FGF12: variants seen among roughly 807,000 people sequenced by gnomAD.
FGF12 encodes the protein fibroblast growth factor 12, also known as fibroblast growth factor 12B.
Under a neutral mutation model 23.6 loss-of-function variants are expected in FGF12, and 14 were observed. That is an observed-to-expected ratio of 0.59 (90% CI 0.39 to 0.93). The LOEUF (loss-of-function observed/expected upper bound fraction) is 0.93, where lower values mean the gene tolerates loss of function less well. FGF12 is among the 40% of genes least tolerant of loss of function. The probability of loss-of-function intolerance (pLI) is 0.00; values close to 1 mark genes in which losing one functional copy is unlikely to be tolerated. For synonymous variants in FGF12, 62 were observed against 77.3 expected (o/e 0.80, Z 1.04); for missense variants, 175 against 217.8 (o/e 0.80, Z 1.24).
intron 4 of FGF12, among the ~76,000 whole-genome samples, chr3:192,325,769 C>G (rs1241897487): frequency 6.6e-6 from 1 of 152,138 alleles, no homozygotes; most frequent in Admixed American, 6.5e-5. Context: ...CTAATCTTTA[C>G]CTCTCCCTTA....
intron 2 of FGF12, among the ~76,000 whole-genome samples, chr3:192,721,957 T>C (rs74728868): frequency 6.6e-6 from 1 of 152,174 alleles, no homozygotes; most frequent in Non-Finnish European, 1.5e-5. Context: ...GAAAGATGAA[T>C]GGAGAAGACA....
intron 2 of FGF12, among the ~76,000 whole-genome samples, chr3:192,491,975 G>C (rs1409769310): frequency 6.6e-6 from 1 of 152,162 alleles, no homozygotes; most frequent in African/African-American, 2.4e-5. Context: ...GTACAAGACA[G>C]ATTGCTCCCA....
In FGF12 at chr3:192,496,999, C is replaced by A. The variant is rs146719045; in HGVS notation, c.14-136461G>T. Among the ~76,000 whole-genome samples the A allele has an allele frequency of 4.4e-3, 666 of 152,276 alleles. 1 individual carries two copies. The highest frequency in any genetic ancestry group is 6.3e-3 in the Non-Finnish European group (426 of 68,034). On this transcript the variant is annotated intron_variant, in intron 2 of 5. Transcript: ENST00000445105. ...AAATACAGTTCTGTGGTCCTAAATA[C>A]CATCATCTATATGCTGATGAATCAC... is the stretch of plus-strand genomic sequence containing the variant.
intron 2 of FGF12, among the ~76,000 whole-genome samples, chr3:192,555,629 C>T (rs1454616475): frequency 2.6e-5 from 1 of 38,004 alleles, no homozygotes; most frequent in Non-Finnish European, 4.9e-5. Flanking sequence ...CTAAAAAGTA[C>T]CAAAAAAAAA....
At chr3:192,334,200 G>C (rs756055468) in intron 4 of FGF12, among the ~76,000 whole-genome samples, 30 of 152,052 alleles carry the variant, frequency 2.0e-4, no homozygotes, top group Admixed American at 5.3e-4. Context: ...GGAGAGACAG[G>C]ATTAAGACAC....
intron 4 of FGF12, among the ~76,000 whole-genome samples, chr3:192,306,907 T>G (rs956861397): frequency 3.3e-5 from 5 of 152,176 alleles, no homozygotes; most frequent in Non-Finnish European, 7.3e-5. Flanking sequence ...CTTCCAAAAT[T>G]TAATAATATT....
chr3:192,145,308 A>G (rs972887472), intron 5 of FGF12, among the ~76,000 whole-genome samples: 2 of 152,242 alleles, frequency 1.3e-5, no homozygotes, highest in Non-Finnish European at 2.9e-5. Context: ...AGAATATAGA[A>G]ATAAATTGTT....
chr3:192,384,267 T>C (rs1272300962), intron 2 of FGF12, among the ~76,000 whole-genome samples: 1 of 152,102 alleles, frequency 6.6e-6, no homozygotes, highest in African/African-American at 2.4e-5. Flanking sequence ...CAGAATTTGT[T>C]AAAAGGTTAA....
chr3:192,224,788 G>A (rs1381130426), intron 4 of FGF12, among the ~76,000 whole-genome samples: 3 of 152,138 alleles, frequency 2.0e-5, no homozygotes, highest in African/African-American at 7.2e-5. Flanking sequence ...GTTCTCAACT[G>A]TACATAATCC....
intron 4 of FGF12, among the ~76,000 whole-genome samples, chr3:192,178,332 GCAAA>G (rs1400003741): frequency 6.6e-5 from 10 of 152,018 alleles, no homozygotes; most frequent in South Asian, 2.1e-4. Context: ...TATTTAATAA[GCAAA>G]CAAAGAAAAA....
chr3:192,523,994 G>A (rs997937757), intron 2 of FGF12, among the ~76,000 whole-genome samples: 6 of 151,990 alleles, frequency 3.9e-5, no homozygotes, highest in African/African-American at 1.5e-4. Flanking sequence ...GGGGTTTTAG[G>A]GAATAAAATT....
intron 2 of FGF12, among the ~76,000 whole-genome samples, chr3:192,580,437 G>A (rs1033292721): frequency 7.2e-5 from 11 of 151,966 alleles, no homozygotes; most frequent in African/African-American, 1.2e-4. Flanking sequence ...TCTAGTGACC[G>A]CTGAACTGTG....
intron 2 of FGF12, among the ~76,000 whole-genome samples, chr3:192,561,120 C>T (rs566329771): frequency 3.9e-5 from 6 of 151,948 alleles, no homozygotes; most frequent in South Asian, 4.2e-4. Flanking sequence ...AAAGGGGAAG[C>T]GGGGAGTAAC....
At chr3:192,363,321 G>A (rs1718826573) in intron 2 of FGF12, among the ~76,000 whole-genome samples, 1 of 151,598 alleles carries the variant, frequency 6.6e-6, no homozygotes, top group African/African-American at 2.4e-5. Context: ...ATGATTGTTT[G>A]TTTTCTTTGT....
intron 2 of FGF12, among the ~76,000 whole-genome samples, chr3:192,387,702 A>T (rs77815737): frequency 2.7e-5 from 4 of 146,004 alleles, no homozygotes; most frequent in African/African-American, 1.1e-4. Flanking sequence ...TACAAAAAAA[A>T]AATACACACA....
At chr3:192,179,047 G>C (rs886641732) in intron 4 of FGF12, among the ~76,000 whole-genome samples, 1 of 152,134 alleles carries the variant, frequency 6.6e-6, no homozygotes, top group Non-Finnish European at 1.5e-5. Context: ...TATAATAGCT[G>C]CTACTTTGCT....
intron 4 of FGF12, among the ~76,000 whole-genome samples, chr3:192,286,237 C>A (rs1031868792): frequency 6.6e-6 from 1 of 151,962 alleles, no homozygotes; most frequent in East Asian, 1.9e-4. Context: ...GTGCTGTTGG[C>A]GCCCATCAGA....
chr3:192,547,435 A>G (rs1351829371), intron 2 of FGF12, among the ~76,000 whole-genome samples: 2 of 152,208 alleles, frequency 1.3e-5, no homozygotes, highest in Non-Finnish European at 2.9e-5. Flanking sequence ...TGCTTCTGCA[A>G]TAAACTCCCC....
At chr3:192,233,768 C>G (rs775616210) in intron 4 of FGF12, among the ~76,000 whole-genome samples, 3 of 152,030 alleles carry the variant, frequency 2.0e-5, no homozygotes, top group African/African-American at 7.2e-5. Context: ...ATATGGCTAG[C>G]GAGTGATCCC....
Sources: allele counts gnomAD v4.1 joint callset (sites outside exome capture counted in the v4.1 genomes callset), GRCh38; gene constraint gnomAD v4.1.1; transcripts MANE v1.5; gene names NCBI Gene and HGNC (gene_info 2026-07-23, HGNC 2026-07-21).